Variants in ZNF469 observed in about 807,000 individuals in gnomAD.
The protein encoded by ZNF469 is zinc finger protein 469.
In ZNF469, 1 loss-of-function variant was observed where a neutral mutation model predicts 1.0. The ratio of observed to expected loss-of-function variants is 1.00; its 90% CI spans 0.35 to 4.73. ZNF469 has a LOEUF of 4.73. ZNF469 is among the 30% of genes most tolerant of loss of function. The pLI is 0.16. For synonymous variants in ZNF469, 2,703 were observed against 2,363.4 expected (o/e 1.14, Z -4.17); for missense variants, 6,100 against 5,356.3 (o/e 1.14, Z -4.33).
At chr16:88,264,725 C>T in the ZNF469 span, among the ~76,000 whole-genome samples, 1 of 152,154 alleles carries the variant, frequency 6.6e-6, no homozygotes, top group Non-Finnish European at 1.5e-5. Flanking sequence ...GGTCCCCGCT[C>T]CCCCGAGCCC....
chr16:88,381,724 A>G (rs1044763101), upstream of ZNF469, among the ~76,000 whole-genome samples: 1 of 152,226 alleles, frequency 6.6e-6, no homozygotes, highest in Non-Finnish European at 1.5e-5. Flanking sequence ...CCCTTTTTCA[A>G]TTCACGTTTT....
At position 88,438,007 on chromosome 16, in the gene ZNF469, T is replaced by G. The variant is rs1906722604; in HGVS notation, c.10537T>G (p.Ser3513Ala). ...TCTCCCGGCCCTGCTCCACCTGTGT[T>G]CGGAGGTGGCTCCCAGCACCACCAA... ...GSLPALLHLC[S>A]EVAPSTTKGW... The change falls in exon 3 of 3, where the codon TCG becomes GCG. Residue 3513 changes from serine (S) to alanine (A), a missense_variant. By Grantham distance (99) the Ser-to-Ala change is moderately conservative (BLOSUM62 1). Transcript: ENST00000565624. 1.3e-6 allele frequency: 2 copies of G among 1,549,442 alleles called. No homozygotes were observed. Among genetic ancestry groups the G allele is most frequent in the Admixed American group, 2.0e-5 (1 of 50,978 alleles).
At chr16:88,249,181 G>A in the ZNF469 span, among the ~76,000 whole-genome samples, 4 of 151,636 alleles carry the variant, frequency 2.6e-5, no homozygotes, top group Non-Finnish European at 4.4e-5. Flanking sequence ...TCCTTTTATG[G>A]GTAAGATAAC....
intron 1 of ZNF469, among the ~76,000 whole-genome samples, chr16:88,393,966 G>C (rs376419334): frequency 6.6e-6 from 1 of 152,202 alleles, no homozygotes; most frequent in African/African-American, 2.4e-5. Flanking sequence ...CAGGAGGGGG[G>C]TTTGACACGT....
the ZNF469 span, among the ~76,000 whole-genome samples, chr16:88,336,428 A>G: frequency 2.0e-5 from 3 of 150,494 alleles, no homozygotes; most frequent in South Asian, 4.2e-4. Context: ...ACATGCCAAC[A>G]TCACACACGT....
At chr16:88,196,105 C>T in the ZNF469 span, among the ~76,000 whole-genome samples, 3 of 152,220 alleles carry the variant, frequency 2.0e-5, no homozygotes, top group East Asian at 3.9e-4. Flanking sequence ...GTGAGGCCAG[C>T]CCTCGCCTTT....
the ZNF469 span, among the ~76,000 whole-genome samples, chr16:88,368,269 C>T: frequency 1.3e-5 from 2 of 152,216 alleles, no homozygotes; most frequent in East Asian, 1.9e-4. Context: ...CGGGCAGATA[C>T]TGAGGAGGGC....
chr16:88,253,461 C>T, the ZNF469 span, among the ~76,000 whole-genome samples: 1 of 151,168 alleles, frequency 6.6e-6, no homozygotes, highest in East Asian at 1.9e-4. Flanking sequence ...TGTGGACCCC[C>T]TTTTACTGAG....
the ZNF469 span, among the ~76,000 whole-genome samples, chr16:88,233,870 T>C: frequency 6.6e-6 from 1 of 152,258 alleles, no homozygotes; most frequent in Non-Finnish European, 1.5e-5. Context: ...CGTTCAGCCC[T>C]AATACCCTGC....
the ZNF469 span, among the ~76,000 whole-genome samples, chr16:88,319,997 G>T: frequency 6.6e-6 from 1 of 152,172 alleles, no homozygotes; most frequent in African/African-American, 2.4e-5. Flanking sequence ...CTGACTCCTC[G>T]CCACACAGGC....
chr16:88,190,119 A>G, the ZNF469 span, among the ~76,000 whole-genome samples: 4 of 150,238 alleles, frequency 2.7e-5, no homozygotes, highest in Non-Finnish European at 5.9e-5. Context: ...GCTTTAGACC[A>G]GTGGACGGGT....
At chr16:88,316,164 C>G in the ZNF469 span, among the ~76,000 whole-genome samples, 1 of 152,238 alleles carries the variant, frequency 6.6e-6, no homozygotes, top group Admixed American at 6.5e-5. Flanking sequence ...CCGTCCTCCT[C>G]ACCGGAATCT....
chr16:88,180,589 T>A, the ZNF469 span, among the ~76,000 whole-genome samples: 1 of 152,094 alleles, frequency 6.6e-6, no homozygotes, highest in Non-Finnish European at 1.5e-5. Context: ...CTGGCCAACA[T>A]GGTGAAACCC....
the ZNF469 span, among the ~76,000 whole-genome samples, chr16:88,355,660 C>T: frequency 4.8e-4 from 73 of 152,286 alleles, no homozygotes; most frequent in African/African-American, 1.6e-3. Context: ...TTCCAGGACC[C>T]GCAGGAAGCC....
chr16:88,160,331 G>A, the ZNF469 span, among the ~76,000 whole-genome samples: 1 of 152,156 alleles, frequency 6.6e-6, no homozygotes, highest in Non-Finnish European at 1.5e-5. Flanking sequence ...TTTTTGAAGT[G>A]ACCTCCCATT....
the ZNF469 span, among the ~76,000 whole-genome samples, chr16:88,253,141 G>A: frequency 6.6e-6 from 1 of 152,142 alleles, no homozygotes; most frequent in African/African-American, 2.4e-5. Flanking sequence ...ATGTTAGAGG[G>A]GTTTTGACTG....
the ZNF469 span, among the ~76,000 whole-genome samples, chr16:88,325,217 T>C: frequency 0.33 from 39,325 of 118,478 alleles, 5,653 homozygotes; most frequent in Middle Eastern, 0.43. Flanking sequence ...ACAGCAGCTG[T>C]GACATACACA....
chr16:88,273,334 TC>T, the ZNF469 span, among the ~76,000 whole-genome samples: 3 of 151,664 alleles, frequency 2.0e-5, no homozygotes, highest in Non-Finnish European at 4.4e-5. Context: ...CTCAATAATA[TC>T]CATCCAACAA....
the ZNF469 span, among the ~76,000 whole-genome samples, chr16:88,132,861 A>G: frequency 1.3e-5 from 2 of 152,190 alleles, no homozygotes; most frequent in Non-Finnish European, 2.9e-5. Context: ...GAATTTGGAC[A>G]TAAACAGGTC....
Sources: gnomAD v4.1 joint callset for allele counts (sites outside exome capture counted in the v4.1 genomes callset) on GRCh38, gnomAD v4.1.1 for gene constraint, MANE v1.5 for transcripts, NCBI Gene and HGNC (gene_info 2026-07-23, HGNC 2026-07-21) for gene names.